The following FAM171A1 variants were observed in gnomAD, a reference collection of about 807,000 sequenced individuals.
The protein encoded by FAM171A1 is family with sequence similarity 171 member A1.
In FAM171A1, 23 loss-of-function variants were observed where a neutral mutation model predicts 74.9. That is an observed-to-expected ratio of 0.31 (90% CI 0.22 to 0.44). FAM171A1 has a LOEUF of 0.44. Ranked by LOEUF, FAM171A1 falls within the 20% of genes least tolerant of loss-of-function variation. The pLI is 1.00. For missense variants in FAM171A1, 1,162 were observed against 1,159.2 expected, an observed-to-expected ratio of 1.00 and a Z score of -0.03; for synonymous variants, 527 against 505.7, an observed-to-expected ratio of 1.04 and a Z score of -0.57.
At chr10:15,256,138 C>T (rs913700668) in intron 3 of FAM171A1, among the ~76,000 whole-genome samples, 1 of 152,172 alleles carries the variant, frequency 6.6e-6, no homozygotes, top group African/African-American at 2.4e-5. Flanking sequence ...GTTCCTTCTC[C>T]CGGCCCCCTG....
At chr10:15,285,232 T>C (rs1481709388) in intron 1 of FAM171A1, among the ~76,000 whole-genome samples, 3 of 152,144 alleles carry the variant, frequency 2.0e-5, no homozygotes, top group African/African-American at 7.2e-5. Context: ...CCATGTTTCC[T>C]GGAGAAACAA....
chr10:15,374,377 G>A (rs1425442452), upstream of FAM171A1, among the ~76,000 whole-genome samples: 1 of 152,232 alleles, frequency 6.6e-6, no homozygotes. Context: ...AGTTACCTGG[G>A]TGGGAGGCTG....
chr10:15,335,103 A>G (rs1835685208), intron 1 of FAM171A1, among the ~76,000 whole-genome samples: 2 of 152,138 alleles, frequency 1.3e-5, no homozygotes, highest in African/African-American at 4.8e-5. Context: ...TCAGCCATGC[A>G]TGGTGGCGCT....
At chr10:15,336,394 A>G (rs553878733) in intron 1 of FAM171A1, among the ~76,000 whole-genome samples, 1 of 152,126 alleles carries the variant, frequency 6.6e-6, no homozygotes, top group South Asian at 2.1e-4. Context: ...GAAATGGAAA[A>G]AGCTGTGATG....
chr10:15,357,094 C>T (rs927922354), intron 1 of FAM171A1, among the ~76,000 whole-genome samples: 2 of 151,984 alleles, frequency 1.3e-5, no homozygotes, highest in African/African-American at 2.4e-5. Flanking sequence ...GTCTGGCCAG[C>T]GTGGGGAAAC....
rs910567875 is a variant in FAM171A1, at chr10:15,256,536, C to T, written c.419-1657G>A. Among the ~76,000 whole-genome samples, 27 of 152,208 alleles carry T rather than the reference C, an allele frequency of 1.8e-4. 1 individual carries two copies. Among genetic ancestry groups the T allele is most frequent in the Admixed American group, 1.4e-3 (21 of 15,280 alleles). Reference sequence around the variant, plus strand: ...AAAATCATGAGAGTCCTATCTAACTCCGGTCATCTCTGCTGAAACTAAACA... The same window carrying T: ...AAAATCATGAGAGTCCTATCTAACTTCGGTCATCTCTGCTGAAACTAAACA... On this transcript the variant is annotated intron_variant, in intron 3 of 7. Transcript: ENST00000378116.
chr10:15,232,601 G>C (rs1030897657), intron 5 of FAM171A1, among the ~76,000 whole-genome samples: 2 of 152,090 alleles, frequency 1.3e-5, no homozygotes, highest in Admixed American at 6.6e-5. Flanking sequence ...TTTAATGTTG[G>C]CGGTAAATTC....
intron 2 of FAM171A1, among the ~76,000 whole-genome samples, chr10:15,278,388 C>T (rs1242336691): frequency 1.3e-5 from 2 of 152,194 alleles, no homozygotes; most frequent in Admixed American, 6.5e-5. Flanking sequence ...TGCAGCAATT[C>T]CACTCCTACG....
chr10:15,228,242 T>C (rs756073195), intron 5 of FAM171A1, among the ~76,000 whole-genome samples: 1 of 152,044 alleles, frequency 6.6e-6, no homozygotes, highest in Non-Finnish European at 1.5e-5. Context: ...CTATTGACTT[T>C]GAAAAGATCG....
At chr10:15,365,093 T>G (rs35908094) in intron 1 of FAM171A1, among the ~76,000 whole-genome samples, 10,893 of 152,210 alleles carry the variant, frequency 0.072, 503 homozygotes, top group Middle Eastern at 0.11. Context: ...CACAATTACC[T>G]TAGGTCACCT....
intron 1 of FAM171A1, among the ~76,000 whole-genome samples, chr10:15,340,097 A>G (rs1254779448): frequency 6.6e-6 from 1 of 152,222 alleles, no homozygotes; most frequent in Non-Finnish European, 1.5e-5. Flanking sequence ...GCGGGGGCAC[A>G]GCCAAACCAC....
chr10:15,291,284 A>G (rs1189229693), intron 1 of FAM171A1, among the ~76,000 whole-genome samples: 1 of 152,214 alleles, frequency 6.6e-6, no homozygotes, highest in Non-Finnish European at 1.5e-5. Context: ...AAAGTTTGCA[A>G]AATGAATGCT....
At chr10:15,273,536 A>G (rs192226878) in intron 3 of FAM171A1, among the ~76,000 whole-genome samples, 101 of 152,348 alleles carry the variant, frequency 6.6e-4, no homozygotes, top group African/African-American at 2.4e-3. Flanking sequence ...TCCCTAACTC[A>G]TTTTATGAGG....
chr10:15,284,623 AG>A (rs1835014001), intron 1 of FAM171A1, among the ~76,000 whole-genome samples: 1 of 152,114 alleles, frequency 6.6e-6, no homozygotes, highest in Non-Finnish European at 1.5e-5. Context: ...CATGTTGCAA[AG>A]GCTGGTTTCA....
Position 15,213,512 on chromosome 10 carries a change from G to A in FAM171A1, c.2076C>T (p.Ala692=), listed in dbSNP as rs1242706737. 1 of 1,614,102 alleles carries A rather than the reference G, an allele frequency of 6.2e-7. No individual in the cohort carries two copies. The highest frequency in any genetic ancestry group is 8.5e-7 in the Non-Finnish European group (1 of 1,180,034). The part of the protein sequence containing the change: ...NSEVQLLTEK[A]LMELGGGKPL... Reference sequence around the variant, plus strand: ...GCTTCCCACCCCCAAGCTCCATCAGGGCCTTTTCAGTCAGGAGCTGCACCT... The same window carrying A: ...GCTTCCCACCCCCAAGCTCCATCAGAGCCTTTTCAGTCAGGAGCTGCACCT... The change falls in exon 8 of 8, where the codon GCC becomes GCT. Residue 692 remains alanine (A), a synonymous_variant. Transcript: ENST00000378116. The surrounding 1 kb of genome is among the most constrained non-coding windows in gnomAD (Gnocchi z 6.8).
At chr10:15,267,373 G>A (rs1834758626) in intron 3 of FAM171A1, among the ~76,000 whole-genome samples, 1 of 151,998 alleles carries the variant, frequency 6.6e-6, no homozygotes, top group Admixed American at 6.6e-5. Flanking sequence ...GGGAAGCTGA[G>A]GGGGGCAGAT....
chr10:15,219,341 G>A (rs1319444110), intron 6 of FAM171A1, among the ~76,000 whole-genome samples: 3 of 152,064 alleles, frequency 2.0e-5, no homozygotes, highest in African/African-American at 7.2e-5. Flanking sequence ...CAAAAAGCAT[G>A]TACTGATCTA....
At chr10:15,354,115 G>A (rs1835907702) in intron 1 of FAM171A1, among the ~76,000 whole-genome samples, 1 of 152,174 alleles carries the variant, frequency 6.6e-6, no homozygotes, top group Non-Finnish European at 1.5e-5. Flanking sequence ...GTGCAACCAA[G>A]TCACATCTGG....
intron 1 of FAM171A1, among the ~76,000 whole-genome samples, chr10:15,358,021 G>A (rs1188570182): frequency 6.6e-6 from 1 of 152,168 alleles, no homozygotes; most frequent in Non-Finnish European, 1.5e-5. Flanking sequence ...TGTCACCCAG[G>A]CTGGAGTGCA....
Sources: allele counts gnomAD v4.1 joint callset (sites outside exome capture counted in the v4.1 genomes callset), GRCh38; gene constraint gnomAD v4.1.1; non-coding constraint Gnocchi (gnomAD v3.1); transcripts MANE v1.5; gene names NCBI Gene and HGNC (gene_info 2026-07-23, HGNC 2026-07-21).